SNX6: variants seen among roughly 807,000 people sequenced by gnomAD.
SNX6 encodes the protein sorting nexin-6.
In SNX6, 34 loss-of-function variants were observed where a neutral mutation model predicts 63.0. The observed-to-expected ratio is 0.54, with a 90% CI of 0.41 to 0.72. SNX6 has a LOEUF of 0.72. SNX6 is among the 30% of genes least tolerant of loss of function. The pLI is 0.00. For missense variants in SNX6, 398 were observed against 471.4 expected (o/e 0.84, Z 1.44); for synonymous variants, 170 against 164.2 (o/e 1.04, Z -0.27).
chr14:34,587,532 CAAAAAAAAAAAAAAA>C (rs34380966), intron 8 of SNX6, among the ~76,000 whole-genome samples: 2 of 57,806 alleles, frequency 3.5e-5, no homozygotes, highest in African/African-American at 7.2e-5. Flanking sequence ...GACTCCATCT[CAAAAAAAAAAAAAAA>C]AAAAAAAAAA....
In SNX6 at chr14:34,624,933, C is replaced by G. The variant is rs568621624; in HGVS notation, c.54+4974G>C. 6.6e-5 allele frequency among the ~76,000 whole-genome samples: 10 copies of G among 152,152 alleles called. No individual in the cohort carries two copies. The South Asian group carries it at 2.1e-3, about 32-fold the overall frequency. ...TTCTGTCAAAATTCCCCTTTCTTTT[C>G]GAGACAGAGTCTCGCACTGTTGCCC... On this transcript the variant is annotated intron_variant, in intron 2 of 13. Transcript: ENST00000362031.
At chr14:34,594,511 G>A (rs377036176) in intron 7 of SNX6, among the ~76,000 whole-genome samples, 28 of 151,904 alleles carry the variant, frequency 1.8e-4, no homozygotes, top group Non-Finnish European at 2.8e-4. Flanking sequence ...ATGCCACAAC[G>A]CCAAGCTAAT....
At chr14:34,590,611 T>C (rs1882354257) in intron 8 of SNX6, among the ~76,000 whole-genome samples, 1 of 152,046 alleles carries the variant, frequency 6.6e-6, no homozygotes. Context: ...ACTATCCTTG[T>C]TGGCAAAGAT....
At chr14:34,601,022 A>C (rs1882790736) in intron 6 of SNX6, among the ~76,000 whole-genome samples, 1 of 152,108 alleles carries the variant, frequency 6.6e-6, no homozygotes, top group Admixed American at 6.6e-5. Flanking sequence ...TCAAAAAAAA[A>C]AAAAGAGAGT....
chr14:34,591,951 C>G (rs2138318468), intron 8 of SNX6, among the ~76,000 whole-genome samples: 1 of 152,322 alleles, frequency 6.6e-6, no homozygotes, highest in Non-Finnish European at 1.5e-5. Flanking sequence ...AACCATCATA[C>G]TTGAGTATGT....
chr14:34,611,235 C>T (rs1370341629), intron 2 of SNX6, among the ~76,000 whole-genome samples: 2 of 149,908 alleles, frequency 1.3e-5, no homozygotes, highest in Admixed American at 6.7e-5. Flanking sequence ...TCAAGTGATC[C>T]GCCCACCTTG....
At chr14:34,578,128 C>T (rs1326377337) in intron 10 of SNX6, among the ~76,000 whole-genome samples, 3 of 152,028 alleles carry the variant, frequency 2.0e-5, no homozygotes, top group Non-Finnish European at 4.4e-5. Flanking sequence ...CACTTGAGCC[C>T]AGGAGGCAAA....
intron 10 of SNX6, among the ~76,000 whole-genome samples, chr14:34,578,410 A>T (rs537815193): frequency 6.8e-6 from 1 of 147,840 alleles, no homozygotes; most frequent in Non-Finnish European, 1.5e-5. Flanking sequence ...GGTGGGTGGA[A>T]TACTTGAGGT....
chr14:34,583,518 G>A (rs1594710514), intron 9 of SNX6, among the ~76,000 whole-genome samples: 1 of 150,986 alleles, frequency 6.6e-6, no homozygotes, highest in African/African-American at 2.4e-5. Flanking sequence ...CCAGGAGGCT[G>A]AAGCAAGAGG....
chr14:34,605,322 T>A (rs1293811487), intron 5 of SNX6, among the ~76,000 whole-genome samples: 1 of 152,180 alleles, frequency 6.6e-6, no homozygotes, highest in African/African-American at 2.4e-5. Flanking sequence ...TTTACCTTTT[T>A]AAAAGAAGCT....
intron 6 of SNX6, among the ~76,000 whole-genome samples, chr14:34,601,814 C>T (rs1425159593): frequency 3.3e-5 from 5 of 150,930 alleles, no homozygotes; most frequent in Admixed American, 6.6e-5. Flanking sequence ...AGGCTCGTCT[C>T]GAACTCCTGA....
intron 10 of SNX6, among the ~76,000 whole-genome samples, chr14:34,579,357 C>A (rs768295791): frequency 6.6e-6 from 1 of 152,100 alleles, no homozygotes; most frequent in African/African-American, 2.4e-5. Context: ...GTGGCTCATG[C>A]CTGTAATCCC....
chr14:34,589,315 C>T (rs935540763), intron 8 of SNX6, among the ~76,000 whole-genome samples: 2 of 151,522 alleles, frequency 1.3e-5, no homozygotes, highest in Non-Finnish European at 2.9e-5. Context: ...ATTAGCCAGG[C>T]TTGGTGGTAT....
chr14:34,624,084 T>A (rs1321728528), intron 2 of SNX6, among the ~76,000 whole-genome samples: 1 of 151,174 alleles, frequency 6.6e-6, no homozygotes. Context: ...GCCTGCTTTT[T>A]AAATTTCTCA....
chr14:34,590,321 G>A (rs139441231), intron 8 of SNX6, among the ~76,000 whole-genome samples: 3,175 of 151,774 alleles, frequency 0.021, 107 homozygotes, highest in African/African-American at 0.069. Context: ...CCAGGTTCTC[G>A]GGAGGCTGAG....
intron 13 of SNX6, among the ~76,000 whole-genome samples, chr14:34,563,852 C>G (rs923446368): frequency 1.3e-5 from 2 of 152,054 alleles, no homozygotes; most frequent in African/African-American, 2.4e-5. Context: ...AATTCTCCTG[C>G]GTCAGCCTCC....
At chr14:34,574,347 A>G (rs1881591939) in intron 11 of SNX6, among the ~76,000 whole-genome samples, 1 of 151,418 alleles carries the variant, frequency 6.6e-6, no homozygotes, top group Admixed American at 6.6e-5. Flanking sequence ...AAAAAAAAAA[A>G]AAGAGAAAAA....
intron 7 of SNX6, among the ~76,000 whole-genome samples, chr14:34,594,655 C>A (rs759746212): frequency 2.6e-4 from 40 of 152,102 alleles, no homozygotes; most frequent in Admixed American, 6.6e-4. Flanking sequence ...AGCCACTGCA[C>A]CTGGCACAAA....
chr14:34,570,590 T>A (rs537942362), intron 11 of SNX6, among the ~76,000 whole-genome samples: 3 of 151,378 alleles, frequency 2.0e-5, no homozygotes, highest in African/African-American at 7.3e-5. Flanking sequence ...CTGGCTAATT[T>A]TTTTGTATTG....
Sources: allele counts gnomAD v4.1 joint callset (sites outside exome capture counted in the v4.1 genomes callset), GRCh38; gene constraint gnomAD v4.1.1; transcripts MANE v1.5; gene names NCBI Gene and HGNC (gene_info 2026-07-23, HGNC 2026-07-21).